Variants in PDE4D observed in about 807,000 individuals in gnomAD.
PDE4D encodes the protein phosphodiesterase 4D.
A neutral mutation model predicts 87.4 loss-of-function variants in PDE4D; 24 were observed. The ratio of observed to expected loss-of-function variants is 0.27; its 90% CI spans 0.20 to 0.39. The LOEUF is 0.39. Among genes scored for constraint, PDE4D ranks in the 10% least tolerant of loss-of-function variants. The pLI is 1.00. For synonymous variants in PDE4D, 384 were observed against 383.2 expected (o/e 1.00, Z -0.02); for missense variants, 714 against 1,041.0 (o/e 0.69, Z 4.32).
At chr5:59,792,081 G>A (rs1159225254) in intron 1 of PDE4D, among the ~76,000 whole-genome samples, 1 of 152,202 alleles carries the variant, frequency 6.6e-6, no homozygotes, top group East Asian at 1.9e-4. Context: ...TACTAAAGCA[G>A]TGACAACAGA....
At chr5:59,771,708 CAG>C (rs1274060465) in intron 1 of PDE4D, among the ~76,000 whole-genome samples, 3 of 152,134 alleles carry the variant, frequency 2.0e-5, no homozygotes, top group Non-Finnish European at 4.4e-5. Context: ...GTAGAATGTT[CAG>C]AGAGTCTGGG....
At chr5:59,245,650 A>G (rs1319689019) in intron 1 of PDE4D, among the ~76,000 whole-genome samples, 1 of 152,138 alleles carries the variant, frequency 6.6e-6, no homozygotes, top group Non-Finnish European at 1.5e-5. Flanking sequence ...AATTGAGTGT[A>G]TGTATGTCTA....
chr5:59,176,116 T>C (rs988146493), intron 5 of PDE4D, among the ~76,000 whole-genome samples: 2 of 152,220 alleles, frequency 1.3e-5, no homozygotes, highest in Admixed American at 6.5e-5. Flanking sequence ...TTTAAGTCTC[T>C]TTTATAAATG....
intron 1 of PDE4D, among the ~76,000 whole-genome samples, chr5:59,607,552 A>C (rs1828380010): frequency 6.6e-6 from 1 of 152,080 alleles, no homozygotes; most frequent in African/African-American, 2.4e-5. Flanking sequence ...CCAGCATGCC[A>C]AGGAGGAGAG....
chr5:60,406,546 G>T (rs1437700642), intron 1 of PDE4D, among the ~76,000 whole-genome samples: 1 of 152,268 alleles, frequency 6.6e-6, no homozygotes, highest in Non-Finnish European at 1.5e-5. Flanking sequence ...TTGAGTCTAT[G>T]ATTTTCCTGT....
chr5:60,393,415 CT>C (rs983008958), intron 1 of PDE4D, among the ~76,000 whole-genome samples: 31 of 151,968 alleles, frequency 2.0e-4, no homozygotes, highest in Non-Finnish European at 4.3e-4. Context: ...TTCTTTTTTC[CT>C]TTTTTTCCCC....
chr5:59,542,369 G>T (rs542683287), intron 1 of PDE4D, among the ~76,000 whole-genome samples: 1 of 152,216 alleles, frequency 6.6e-6, no homozygotes, highest in East Asian at 1.9e-4. Flanking sequence ...TGGGATGGAG[G>T]AAGGGCAAAA....
At chr5:59,080,072 TTCCCAA>T (rs1766465242) in intron 5 of PDE4D, among the ~76,000 whole-genome samples, 1 of 152,184 alleles carries the variant, frequency 6.6e-6, no homozygotes, top group Non-Finnish European at 1.5e-5. Context: ...GTTTCCCATG[TTCCCAA>T]TCCCAGTCTG....
intron 1 of PDE4D, among the ~76,000 whole-genome samples, chr5:60,474,209 A>G (rs1278662084): frequency 1.4e-5 from 2 of 145,004 alleles, no homozygotes; most frequent in Non-Finnish European, 3.0e-5. Context: ...TATAGTTCTG[A>G]GAGCTGTGAA....
intron 1 of PDE4D, among the ~76,000 whole-genome samples, chr5:59,738,608 G>A (rs1252763192): frequency 6.6e-6 from 1 of 151,922 alleles, no homozygotes; most frequent in Non-Finnish European, 1.5e-5. Flanking sequence ...AGGGGCCCCA[G>A]TTTTACCTTT....
intron 2 of PDE4D, among the ~76,000 whole-genome samples, chr5:60,027,305 T>G (rs1231006624): frequency 1.3e-5 from 2 of 152,216 alleles, no homozygotes; most frequent in Admixed American, 1.3e-4. Context: ...TAGCTCCCAT[T>G]ATAAGTGAGA....
chr5:59,134,007 G>C (rs527971928), intron 5 of PDE4D, among the ~76,000 whole-genome samples: 1 of 151,198 alleles, frequency 6.6e-6, no homozygotes, highest in Non-Finnish European at 1.5e-5. Flanking sequence ...TGTTGTTGTT[G>C]TTGTTGGGAA....
intron 5 of PDE4D, among the ~76,000 whole-genome samples, chr5:59,141,660 T>C (rs913251828): frequency 6.6e-6 from 1 of 152,316 alleles, no homozygotes; most frequent in Non-Finnish European, 1.5e-5. Context: ...AATTTTTAAA[T>C]GCTAAATGAA....
At chr5:60,069,951 G>A (rs1490402033) in intron 2 of PDE4D, among the ~76,000 whole-genome samples, 1 of 151,904 alleles carries the variant, frequency 6.6e-6, no homozygotes, top group African/African-American at 2.4e-5. Context: ...GTTTAGATGG[G>A]CATTGTTTTC....
At position 58,993,396 on chromosome 5, in the gene PDE4D, C is replaced by CT; in HGVS notation, c.990dup (p.Glu331ArgfsTer10). 1 of 1,597,384 alleles carries CT rather than the reference C, an allele frequency of 6.3e-7. No homozygotes were observed. The highest frequency in any genetic ancestry group is 8.5e-7 in the Non-Finnish European group (1 of 1,171,692). ...CCTAAGAATGTGTTTGATATAAACT[C>CT]TGACACTTGATTTCCAGACCGACTC... On this transcript the variant is annotated frameshift_variant, in exon 7 of 15. Coordinates refer to ENST00000340635, the MANE Select transcript of PDE4D (RefSeq NM_001104631.2). LOFTEE classifies it high-confidence loss of function.
At chr5:59,606,018 G>A (rs1828149017) in intron 1 of PDE4D, among the ~76,000 whole-genome samples, 1 of 151,856 alleles carries the variant, frequency 6.6e-6, no homozygotes, top group Non-Finnish European at 1.5e-5. Context: ...TACTAAATAA[G>A]AACAGTTGAT....
At position 59,118,526 on chromosome 5, in the gene PDE4D, A is replaced by G. The variant is rs913394172; in HGVS notation, c.808+62069T>C. ...AGGTCTGCTCTAGCACTTTTCCACA[A>G]TATTGATTACTCAAAAAAAATAGGC... is the stretch of plus-strand genomic sequence containing the variant. On this transcript the variant is annotated intron_variant, in intron 5 of 14. Coordinates refer to ENST00000340635, the MANE Select transcript of PDE4D (RefSeq NM_001104631.2). Among the ~76,000 whole-genome samples the G allele has an allele frequency of 1.1e-4, 17 of 152,266 alleles. 1 individual carries two copies. In the East Asian group the frequency reaches 2.1e-3, roughly 19 times the overall value.
chr5:59,378,846 A>G (rs1785212459), intron 1 of PDE4D, among the ~76,000 whole-genome samples: 1 of 152,140 alleles, frequency 6.6e-6, no homozygotes, highest in South Asian at 2.1e-4. Context: ...CCAAGTTAGC[A>G]TCCTTCAGAC....
chr5:59,827,298 C>T (rs906927317), intron 1 of PDE4D, among the ~76,000 whole-genome samples: 1 of 151,966 alleles, frequency 6.6e-6, no homozygotes, highest in African/African-American at 2.4e-5. Flanking sequence ...GCCAGAATCT[C>T]TTAATGCACT....
Sources: allele counts gnomAD v4.1 joint callset (sites outside exome capture counted in the v4.1 genomes callset), GRCh38; gene constraint gnomAD v4.1.1; transcripts MANE v1.5; gene names NCBI Gene and HGNC (gene_info 2026-07-23, HGNC 2026-07-21).